Variants in GRM8 observed in about 807,000 individuals in gnomAD.
GRM8 encodes the protein glutamate metabotropic receptor 8, also known as metabotropic glutamate receptor 8.
GRM8 carries 47 observed loss-of-function variants against 87.2 expected under a neutral mutation model. That is an observed-to-expected ratio of 0.54 (90% CI 0.43 to 0.69). The LOEUF (loss-of-function observed/expected upper bound fraction) is 0.69. Ranked by LOEUF, GRM8 falls within the 30% of genes least tolerant of loss-of-function variation. GRM8 has a pLI of 0.00. For missense variants in GRM8, 1,019 were observed against 1,139.2 expected, an observed-to-expected ratio of 0.89 and a Z score of 1.52; for synonymous variants, 396 against 404.5, an observed-to-expected ratio of 0.98 and a Z score of 0.25.
chr7:127,232,141 T>C (rs946333085), intron 2 of GRM8, among the ~76,000 whole-genome samples: 4 of 151,816 alleles, frequency 2.6e-5, no homozygotes, highest in African/African-American at 9.7e-5. Context: ...GCTTGCCCTA[T>C]GCCAGAGCCA....
chr7:126,961,647 C>T (rs1809335722), intron 3 of GRM8, among the ~76,000 whole-genome samples: 1 of 152,202 alleles, frequency 6.6e-6, no homozygotes, highest in Admixed American at 6.5e-5. Context: ...ATCCCAAGAA[C>T]GGATGCTTTG....
At chr7:126,909,144 T>G (rs1803018748) in intron 3 of GRM8, among the ~76,000 whole-genome samples, 1 of 152,048 alleles carries the variant, frequency 6.6e-6, no homozygotes, top group African/African-American at 2.4e-5. Flanking sequence ...CAGACAAGGG[T>G]GTAAATTAGG....
chr7:126,462,130 T>C (rs1208252332), intron 9 of GRM8, among the ~76,000 whole-genome samples: 1 of 151,676 alleles, frequency 6.6e-6, no homozygotes, highest in Non-Finnish European at 1.5e-5. Flanking sequence ...GTTCCAAGTA[T>C]ATTTTAAAAC....
At chr7:127,062,643 T>C (rs1224539064) in intron 3 of GRM8, among the ~76,000 whole-genome samples, 1 of 152,224 alleles carries the variant, frequency 6.6e-6, no homozygotes, top group Non-Finnish European at 1.5e-5. Context: ...CATCAGGTCC[T>C]GGGCTTTTTT....
At chr7:126,511,469 A>T (rs1019086903) in intron 9 of GRM8, 1 of 152,112 alleles carries the variant, frequency 6.6e-6, no homozygotes, top group African/African-American at 2.4e-5. Flanking sequence ...TTTTCAAATC[A>T]TTCTTCCCTC....
At chr7:126,483,056 A>G (rs1806891604) in intron 9 of GRM8, among the ~76,000 whole-genome samples, 1 of 148,674 alleles carries the variant, frequency 6.7e-6, no homozygotes, top group African/African-American at 2.4e-5. Flanking sequence ...ATATATGTAT[A>G]TGTATAATTT....
At chr7:127,229,793 G>A (rs1267638431) in intron 2 of GRM8, 1 of 152,180 alleles carries the variant, frequency 6.6e-6, no homozygotes, top group Admixed American at 6.5e-5. Context: ...TTGAAACTGA[G>A]ACAGTGTAGG....
At chr7:127,077,876 CG>C (rs1288917684) in intron 3 of GRM8, among the ~76,000 whole-genome samples, 3 of 152,064 alleles carry the variant, frequency 2.0e-5, no homozygotes, top group Admixed American at 6.6e-5. Context: ...ATTTTGTTCA[CG>C]GGGGAACATT....
At chr7:126,451,696 C>T (rs1470002891) in intron 9 of GRM8, among the ~76,000 whole-genome samples, 3 of 151,626 alleles carry the variant, frequency 2.0e-5, no homozygotes, top group African/African-American at 7.3e-5. Context: ...TTACTCATTC[C>T]CTTCCACCCA....
intron 2 of GRM8, among the ~76,000 whole-genome samples, chr7:127,168,270 G>C (rs1793575459): frequency 6.6e-6 from 1 of 152,104 alleles, no homozygotes; most frequent in Non-Finnish European, 1.5e-5. Flanking sequence ...CTTCATCACT[G>C]GTCATTAGAG....
intron 7 of GRM8, among the ~76,000 whole-genome samples, chr7:126,712,414 T>C (rs539840835): frequency 1.3e-5 from 2 of 152,294 alleles, no homozygotes; most frequent in South Asian, 4.1e-4. Context: ...TTTTGAAATA[T>C]TGTGAGAATT....
intron 2 of GRM8, among the ~76,000 whole-genome samples, chr7:127,196,605 T>C (rs1433280576): frequency 1.3e-5 from 2 of 152,102 alleles, no homozygotes; most frequent in Non-Finnish European, 2.9e-5. Flanking sequence ...CATATTATTC[T>C]GCACATGCTT....
intron 7 of GRM8, among the ~76,000 whole-genome samples, chr7:126,690,904 G>A (rs1330083940): frequency 6.6e-6 from 1 of 152,164 alleles, no homozygotes; most frequent in Admixed American, 6.5e-5. Context: ...CTTGAATCCA[G>A]GGTTTTTATG....
chr7:126,744,302 G>C (rs1369670956), intron 7 of GRM8, among the ~76,000 whole-genome samples: 1 of 151,968 alleles, frequency 6.6e-6, no homozygotes, highest in Non-Finnish European at 1.5e-5. Flanking sequence ...GTGTTTGGAA[G>C]ATTTTTCTTA....
At chr7:126,930,380 G>A (rs1399197774) in intron 3 of GRM8, among the ~76,000 whole-genome samples, 3 of 152,192 alleles carry the variant, frequency 2.0e-5, no homozygotes, top group Admixed American at 2.0e-4. Flanking sequence ...ATTGCTCAGT[G>A]TTGGTTAGAA....
At chr7:126,730,915 G>A (rs1185639322) in intron 7 of GRM8, among the ~76,000 whole-genome samples, 3 of 151,974 alleles carry the variant, frequency 2.0e-5, no homozygotes, top group East Asian at 1.9e-4. Context: ...TTCTCTTTTC[G>A]ATAAATCTGT....
intron 6 of GRM8, among the ~76,000 whole-genome samples, chr7:126,777,011 T>C (rs1008894488): frequency 6.6e-6 from 1 of 152,180 alleles, no homozygotes; most frequent in Non-Finnish European, 1.5e-5. Flanking sequence ...GGGCTACTGC[T>C]GAGACCTGGA....
intron 8 of GRM8, among the ~76,000 whole-genome samples, chr7:126,608,011 C>T (rs61757847): frequency 0.015 from 2,355 of 152,056 alleles, 46 homozygotes; most frequent in African/African-American, 0.042. Flanking sequence ...ACTGAGACTA[C>T]AGAACGTGCT....
At chr7:126,537,416 C>T (rs1815921255) in intron 8 of GRM8, among the ~76,000 whole-genome samples, 1 of 152,170 alleles carries the variant, frequency 6.6e-6, no homozygotes, top group South Asian at 2.1e-4. Context: ...GAACAAGGAT[C>T]TTACAAATAC....
Sources: allele counts gnomAD v4.1 joint callset (sites outside exome capture counted in the v4.1 genomes callset), GRCh38; gene constraint gnomAD v4.1.1; transcripts MANE v1.5; gene names NCBI Gene and HGNC (gene_info 2026-07-23, HGNC 2026-07-21).